Variants in XXYLT1 observed in about 807,000 individuals in gnomAD.
XXYLT1 encodes the protein UDP-xylose:alpha-xyloside alpha-1,3-xylosyltransferase.
Under a neutral mutation model 28.9 loss-of-function variants are expected in XXYLT1, and 20 were observed. The observed-to-expected ratio is 0.69, with a 90% CI of 0.49 to 1.00. The LOEUF (loss-of-function observed/expected upper bound fraction) is 1.00. Among genes scored for constraint, XXYLT1 ranks in the 50% least tolerant of loss-of-function variants. The probability of loss-of-function intolerance (pLI) is 0.00; values close to 1 mark genes in which losing one functional copy is unlikely to be tolerated. For missense variants in XXYLT1, 542 were observed against 560.1 expected (o/e 0.97, Z 0.33); for synonymous variants, 257 against 253.8 (o/e 1.01, Z -0.12).
intron 3 of XXYLT1, among the ~76,000 whole-genome samples, chr3:195,108,576 C>G (rs1430535444): frequency 6.6e-6 from 1 of 152,336 alleles, no homozygotes; most frequent in Non-Finnish European, 1.5e-5. Context: ...TGTGTGAACA[C>G]ACAGAGTGAC....
At chr3:195,250,184 C>G (rs1436780540) in intron 1 of XXYLT1, among the ~76,000 whole-genome samples, 4 of 152,200 alleles carry the variant, frequency 2.6e-5, no homozygotes, top group Non-Finnish European at 5.9e-5. Flanking sequence ...TGCTCCTCCC[C>G]AGGGCTGCCC....
At chr3:195,243,821 C>T (rs1488355278) in intron 1 of XXYLT1, among the ~76,000 whole-genome samples, 2 of 152,238 alleles carry the variant, frequency 1.3e-5, no homozygotes, top group Admixed American at 6.5e-5. Context: ...GGCTGGGCCC[C>T]TCCCTCATGT....
At chr3:195,252,692 CCACACACA>C (rs774827660) in intron 1 of XXYLT1, among the ~76,000 whole-genome samples, 45 of 84,192 alleles carry the variant, frequency 5.3e-4, no homozygotes, top group Middle Eastern at 7.8e-3. Flanking sequence ...AGAAAAAAAA[CCACACACA>C]CACACACACA....
intron 1 of XXYLT1, among the ~76,000 whole-genome samples, chr3:195,244,622 C>T (rs1366754131): frequency 6.7e-6 from 1 of 149,040 alleles, no homozygotes; most frequent in South Asian, 2.2e-4. Context: ...ATTAGCCAGG[C>T]GTGGTGGAGG....
In XXYLT1 at chr3:195,133,479, T is replaced by G. The variant is rs565865249; in HGVS notation, c.785+22970A>C. On this transcript the variant is annotated intron_variant, in intron 3 of 3. Transcript: ENST00000310380. The surrounding 1 kb of genome is among the most constrained non-coding windows in gnomAD (Gnocchi z 4.4). ...ATCAAAGACCTTCAGGAGAAATGTGTCCCATAAGTGACAGCATCTATTGAA... is the reference window on the plus strand; with the variant it reads ...ATCAAAGACCTTCAGGAGAAATGTGGCCCATAAGTGACAGCATCTATTGAA... Among the ~76,000 whole-genome samples, 1 of 152,296 alleles carries G rather than the reference T, an allele frequency of 6.6e-6. No homozygotes were observed. The highest frequency in any genetic ancestry group is 1.9e-4 in the East Asian group (1 of 5,192).
chr3:195,205,696 C>G (rs1723041480), intron 2 of XXYLT1, among the ~76,000 whole-genome samples: 1 of 152,148 alleles, frequency 6.6e-6, no homozygotes, highest in African/African-American at 2.4e-5. Flanking sequence ...AACCCTGTCT[C>G]TACTAAAAAT....
rs533174284 is a variant in XXYLT1, at chr3:195,249,603, G to A, written c.504+20952C>T. On this transcript the variant is annotated intron_variant, in intron 1 of 3. Transcript: ENST00000310380. ...GGTCCCTGCCCAGGGTGACTAGGTC[G>A]ATGGCCAAAGCCCAGATTTCAGCCC... Among the ~76,000 whole-genome samples the A allele has an allele frequency of 4.6e-5, 7 of 152,322 alleles. No homozygotes were observed. In the South Asian group the frequency reaches 6.2e-4, roughly 14 times the overall value.
At chr3:195,251,767 G>A (rs538337400) in intron 1 of XXYLT1, among the ~76,000 whole-genome samples, 1 of 152,272 alleles carries the variant, frequency 6.6e-6, no homozygotes, top group East Asian at 1.9e-4. Flanking sequence ...GGGAGTCTCC[G>A]CCAAGTGCTC....
intron 1 of XXYLT1, among the ~76,000 whole-genome samples, chr3:195,250,462 G>T (rs766226474): frequency 2.0e-5 from 3 of 151,860 alleles, no homozygotes; most frequent in Admixed American, 6.6e-5. Context: ...TACTTGGGAG[G>T]CTGAGGCCAG....
rs1247495970 is a variant in XXYLT1, at chr3:195,068,963, C to T, written c.*752G>A. The T allele has an allele frequency of 6.6e-6, 1 of 152,094 alleles. No individual in the cohort carries two copies. The highest frequency in any genetic ancestry group is 1.5e-5 in the Non-Finnish European group (1 of 68,052). 9.4% of individuals were successfully genotyped at this position (152,094 alleles called of 1,614,324 possible). A position where few individuals can be genotyped will look rare whatever the true frequency, so the allele number is the denominator to read the frequency against. ...GTGGCCAGTCTCTGTTCTTTGATGA[C>T]GAATTTGCTTTCTGAGTAGAGTCTG... is the stretch of plus-strand genomic sequence containing the variant. On this transcript the variant is annotated 3_prime_UTR_variant, in exon 4 of 4. Coordinates refer to ENST00000310380, the MANE Select transcript of XXYLT1 (RefSeq NM_152531.5).
At chr3:195,103,349 T>TCCATCACCCCACGCCAGCGGCCTGCGC (rs1340025407) in intron 3 of XXYLT1, among the ~76,000 whole-genome samples, 3 of 141,284 alleles carry the variant, frequency 2.1e-5, no homozygotes, top group African/African-American at 7.5e-5. Flanking sequence ...GCGACCTGCG[T>TCCATCACCCCACGCCAGCGGCCTGCGC]CCATCACCCC....
At chr3:195,186,064 C>T (rs1169783804) in intron 2 of XXYLT1, among the ~76,000 whole-genome samples, 8 of 152,152 alleles carry the variant, frequency 5.3e-5, no homozygotes, top group East Asian at 1.9e-4. Context: ...GTGCCTGGAC[C>T]GCCTCCTCAG....
At chr3:195,265,543 A>G (rs905676012) in intron 1 of XXYLT1, among the ~76,000 whole-genome samples, 2 of 152,184 alleles carry the variant, frequency 1.3e-5, no homozygotes, top group African/African-American at 4.8e-5. Flanking sequence ...AGGCCATACA[A>G]GCAGTGGCTG....
rs149074887 is a variant in XXYLT1 at position 195,108,783 on chromosome 3, G to A, written c.786-38672C>T. 2.0e-3 allele frequency among the ~76,000 whole-genome samples: 299 copies of A among 152,220 alleles called. 2 individuals carry two copies. The highest frequency in any genetic ancestry group is 3.6e-3 in the Non-Finnish European group (247 of 68,020). ...ATAATATGGTATTATAATCGGACGG[G>A]ACCACCATCATATATTGACCAAAAT... On this transcript the variant is annotated intron_variant, in intron 3 of 3. Coordinates refer to ENST00000310380, the MANE Select transcript of XXYLT1 (RefSeq NM_152531.5).
At chr3:195,220,657 C>T (rs1003193200) in intron 2 of XXYLT1, among the ~76,000 whole-genome samples, 3 of 152,148 alleles carry the variant, frequency 2.0e-5, no homozygotes, top group Admixed American at 6.5e-5. Context: ...CATTAAGAGA[C>T]GATCAGACGC....
At chr3:195,142,393 C>T (rs1337926170) in intron 3 of XXYLT1, among the ~76,000 whole-genome samples, 1 of 152,214 alleles carries the variant, frequency 6.6e-6, no homozygotes, top group Non-Finnish European at 1.5e-5. Flanking sequence ...TTGGTTCCCC[C>T]TCTCCTTCCT....
At chr3:195,252,156 A>C (rs527894485) in intron 1 of XXYLT1, among the ~76,000 whole-genome samples, 2 of 152,390 alleles carry the variant, frequency 1.3e-5, no homozygotes, top group South Asian at 4.1e-4. Flanking sequence ...TGCTGAAAAC[A>C]TACAAAGCAG....
chr3:195,106,196 C>T (rs939976562), intron 3 of XXYLT1, among the ~76,000 whole-genome samples: 5 of 152,160 alleles, frequency 3.3e-5, no homozygotes, highest in African/African-American at 1.2e-4. Flanking sequence ...GCTCAATACA[C>T]TGCCATTCTG....
chr3:195,145,019 T>C (rs1435247668), intron 3 of XXYLT1, among the ~76,000 whole-genome samples: 4 of 147,152 alleles, frequency 2.7e-5, no homozygotes, highest in African/African-American at 1.0e-4. Flanking sequence ...GAAAGCTGAA[T>C]ACCAATGAGC....
Sources: gnomAD v4.1 joint callset for allele counts (sites outside exome capture counted in the v4.1 genomes callset) on GRCh38, gnomAD v4.1.1 for gene constraint, Gnocchi (gnomAD v3.1) non-coding constraint, MANE v1.5 for transcripts, NCBI Gene and HGNC (gene_info 2026-07-23, HGNC 2026-07-21) for gene names.